BNC2: variants seen among roughly 807,000 people sequenced by gnomAD.
BNC2 encodes basonuclin zinc finger protein 2.
A neutral mutation model predicts 76.3 loss-of-function variants in BNC2; 20 were observed. The ratio of observed to expected loss-of-function variants is 0.26; its 90% CI spans 0.18 to 0.38. The LOEUF (loss-of-function observed/expected upper bound fraction) is 0.38, where lower values mean the gene tolerates loss of function less well. Ranked by LOEUF, BNC2 falls within the 10% of genes least tolerant of loss-of-function variation. The pLI, the probability that BNC2 is intolerant of heterozygous loss-of-function variation, is 1.00. For synonymous variants in BNC2, 582 were observed against 514.8 expected, an observed-to-expected ratio of 1.13 and a Z score of -1.77; for missense variants, 1,382 against 1,399.8, an observed-to-expected ratio of 0.99 and a Z score of 0.20.
chr9:16,702,405 G>C (rs2134593734), intron 3 of BNC2, among the ~76,000 whole-genome samples: 1 of 152,234 alleles, frequency 6.6e-6, no homozygotes. Flanking sequence ...AACTTTACTT[G>C]TAAACTACCT....
At chr9:16,857,645 G>C (rs1487818767) in intron 1 of BNC2, among the ~76,000 whole-genome samples, 1 of 152,008 alleles carries the variant, frequency 6.6e-6, no homozygotes, top group East Asian at 1.9e-4. Context: ...ATGAAAAAAT[G>C]CACACTCGCT....
intron 1 of BNC2, among the ~76,000 whole-genome samples, chr9:16,765,698 T>G (rs978540549): frequency 6.6e-6 from 1 of 152,092 alleles, no homozygotes; most frequent in Non-Finnish European, 1.5e-5. Context: ...ATGCCTTAAT[T>G]AAAGCTGGGC....
intron 5 of BNC2, among the ~76,000 whole-genome samples, chr9:16,498,077 T>C (rs114129926): frequency 0.022 from 3,219 of 147,148 alleles, 124 homozygotes; most frequent in South Asian, 0.13. Flanking sequence ...ATATATTCTA[T>C]CATATATATA....
chr9:16,561,259 C>G (rs1819005684), intron 4 of BNC2, among the ~76,000 whole-genome samples: 1 of 151,720 alleles, frequency 6.6e-6, no homozygotes, highest in African/African-American at 2.4e-5. Context: ...AAACAAAACC[C>G]ACAGCCTTTG....
At chr9:16,558,175 C>T (rs7870873) in intron 4 of BNC2, among the ~76,000 whole-genome samples, 148,397 of 152,292 alleles carry the variant, frequency 0.97, 72,324 homozygotes, top group East Asian at 1. Context: ...GAACTGAATA[C>T]TCCTTAGCCA....
intron 3 of BNC2, among the ~76,000 whole-genome samples, chr9:16,594,398 T>C (rs1193633440): frequency 6.6e-6 from 1 of 152,156 alleles, no homozygotes; most frequent in Admixed American, 6.6e-5. Context: ...GGAGTTCCTC[T>C]AAATCTTTAC....
intron 1 of BNC2, among the ~76,000 whole-genome samples, chr9:16,809,764 A>T (rs1818000844): frequency 1.3e-5 from 2 of 152,138 alleles, no homozygotes; most frequent in Admixed American, 1.3e-4. Context: ...GCGACAGTGC[A>T]AGACTCTGTC....
intron 5 of BNC2, among the ~76,000 whole-genome samples, chr9:16,468,038 C>CTTTTTTTTTTTTTTT (rs1414982362): frequency 6.8e-6 from 1 of 146,244 alleles, no homozygotes; most frequent in African/African-American, 2.6e-5. Flanking sequence ...TTCTTTCTTT[C>CTTTTTTTTTTTTTTT]TCTTTTTTTT....
chr9:16,788,581 C>T (rs1017479945), intron 1 of BNC2, among the ~76,000 whole-genome samples: 4 of 151,218 alleles, frequency 2.6e-5, no homozygotes, highest in African/African-American at 9.7e-5. Flanking sequence ...GAGGTCATTC[C>T]TTTTAAACAT....
intron 5 of BNC2, among the ~76,000 whole-genome samples, chr9:16,525,338 C>A (rs1817765136): frequency 6.6e-6 from 1 of 151,856 alleles, no homozygotes; most frequent in Non-Finnish European, 1.5e-5. Context: ...CAACTATGAA[C>A]AACTATTCAC....
intron 1 of BNC2, among the ~76,000 whole-genome samples, chr9:16,740,104 T>C (rs1256605682): frequency 1.3e-5 from 2 of 152,168 alleles, no homozygotes; most frequent in African/African-American, 2.4e-5. Flanking sequence ...AACAGGAGCA[T>C]CGTGATTGTC....
chr9:16,771,759 T>G (rs1324573680), intron 1 of BNC2, among the ~76,000 whole-genome samples: 2 of 152,220 alleles, frequency 1.3e-5, no homozygotes, highest in Non-Finnish European at 2.9e-5. Flanking sequence ...TTCTTCAATT[T>G]TCCCTAGAAA....
Position 16,727,947 on chromosome 9 carries a change from T to C in BNC2, c.180A>G (p.Arg60=). 1 of 1,614,118 alleles carries C rather than the reference T, an allele frequency of 6.2e-7. No homozygotes were observed. The highest frequency in any genetic ancestry group is 1.1e-5 in the South Asian group (1 of 91,070). Residue 60 remains arginine (R), a synonymous_variant, in exon 3 of 7, where the codon AGA becomes AGG. Coordinates refer to ENST00000380672, the MANE Select transcript of BNC2 (RefSeq NM_017637.6). The part of the protein sequence containing the change: ...DVRERETQRD[R]EPKRARDLTL... ...TCAAGTCTCTTGCCCTCTTTGGCTC[T>C]CTGTCTCTCTGTGTCTCTCTTTCTC... is the stretch of plus-strand genomic sequence containing the variant.
intron 6 of BNC2, among the ~76,000 whole-genome samples, chr9:16,424,211 G>T (rs537474964): frequency 2.0e-4 from 30 of 149,880 alleles, no homozygotes; most frequent in African/African-American, 6.9e-4. Context: ...ACTATCTAAA[G>T]AAAGTGTTTT....
intron 5 of BNC2, among the ~76,000 whole-genome samples, chr9:16,449,023 G>C (rs1821285413): frequency 6.6e-6 from 1 of 152,144 alleles, no homozygotes; most frequent in African/African-American, 2.4e-5. Flanking sequence ...TTGGGGTTTG[G>C]TGGCTGACTG....
chr9:16,558,858 C>T (rs778064266), intron 4 of BNC2, among the ~76,000 whole-genome samples: 7 of 149,670 alleles, frequency 4.7e-5, no homozygotes, highest in African/African-American at 1.5e-4. Context: ...CACTTGAACC[C>T]GGGAAGCAGA....
At chr9:16,852,758 A>G (rs1563971688) in intron 1 of BNC2, among the ~76,000 whole-genome samples, 1 of 152,128 alleles carries the variant, frequency 6.6e-6, no homozygotes, top group Non-Finnish European at 1.5e-5. Flanking sequence ...GACATTCCAG[A>G]GGAGACTCTA....
intron 3 of BNC2, among the ~76,000 whole-genome samples, chr9:16,587,371 G>A (rs1019429569): frequency 1.3e-5 from 2 of 151,996 alleles, no homozygotes; most frequent in Admixed American, 6.6e-5. Context: ...GCACCATCAC[G>A]TTGAGCTAAG....
At chr9:16,808,180 AT>A (rs55821838) in intron 1 of BNC2, among the ~76,000 whole-genome samples, 1 of 152,312 alleles carries the variant, frequency 6.6e-6, no homozygotes, top group East Asian at 1.9e-4. Context: ...CAACCTTAAA[AT>A]TTTTTAAACA....
Sources: gnomAD v4.1 joint callset for allele counts (sites outside exome capture counted in the v4.1 genomes callset) on GRCh38, gnomAD v4.1.1 for gene constraint, MANE v1.5 for transcripts, NCBI Gene and HGNC (gene_info 2026-07-23, HGNC 2026-07-21) for gene names.